Variants in CAMK4 observed in about 807,000 individuals in gnomAD.
CAMK4 encodes the protein calcium/calmodulin-dependent protein kinase type IV.
Under a neutral mutation model 44.9 loss-of-function variants are expected in CAMK4, and 22 were observed. That is an observed-to-expected ratio of 0.49 (90% CI 0.35 to 0.70). The LOEUF is 0.70. Among genes scored for constraint, CAMK4 ranks in the 30% least tolerant of loss-of-function variants. The probability of loss-of-function intolerance (pLI) is 0.01; values close to 1 mark genes in which losing one functional copy is unlikely to be tolerated. For missense variants in CAMK4, 498 were observed against 586.8 expected (o/e 0.85, Z 1.56); for synonymous variants, 218 against 215.4 (o/e 1.01, Z -0.11).
chr5:111,241,091 C>T (rs1393702585), intron 1 of CAMK4, among the ~76,000 whole-genome samples: 2 of 151,172 alleles, frequency 1.3e-5, no homozygotes, highest in South Asian at 2.1e-4. Flanking sequence ...TATGCACACA[C>T]TGCAAATTTT....
At chr5:111,316,349 C>T (rs1470812107) in intron 1 of CAMK4, among the ~76,000 whole-genome samples, 1 of 152,174 alleles carries the variant, frequency 6.6e-6, no homozygotes, top group Admixed American at 6.5e-5. Flanking sequence ...TAACTGTTCT[C>T]AACATTTAGT....
Position 111,484,176 on chromosome 5 carries a change from A to C in CAMK4, c.1132A>C (p.Ile378Leu), listed in dbSNP as rs759011394. The change falls in exon 11 of 11, where the codon ATT (isoleucine) becomes CTT (leucine). Residue 378 changes from isoleucine (I) to leucine (L), a missense_variant. Ile to Leu is a conservative substitution (Grantham distance 5). This residue lies in a region of CAMK4 where 143 missense variants were observed against 144.9 expected (regional missense o/e 0.99). Transcript: ENST00000282356. The surrounding 1 kb of genome is among the most constrained non-coding windows in gnomAD (Gnocchi z 5.3). ...DMKAIPEGEK[I>L]QGDGAQAAVK... The stretch of plus-strand genomic sequence containing the variant: ...GAAAGCTATTCCAGAAGGAGAGAAA[A>C]TTCAAGGCGATGGGGCCCAAGCCGC... The C allele has an allele frequency of 6.2e-7, 1 of 1,614,152 alleles. No individual in the cohort carries two copies. The highest frequency in any genetic ancestry group is 1.3e-5 in the African/African-American group (1 of 75,056).
At chr5:111,376,791 G>T in intron 3 of CAMK4, 69 bp from the exon 4 acceptor site, 1 of 892,272 alleles carries the variant, frequency 1.1e-6, no homozygotes, top group Non-Finnish European at 1.8e-6. Context: ...TTTAGCCATA[G>T]TATTAGCTAT....
At chr5:111,331,166 A>G (rs544216015) in intron 1 of CAMK4, among the ~76,000 whole-genome samples, 1 of 151,732 alleles carries the variant, frequency 6.6e-6, no homozygotes, top group Non-Finnish European at 1.5e-5. Context: ...AAGAACAATA[A>G]CAAAGCAAAC....
intron 2 of CAMK4, among the ~76,000 whole-genome samples, chr5:111,346,157 A>G (rs143892908): frequency 2.1e-4 from 32 of 152,052 alleles, no homozygotes; most frequent in African/African-American, 7.2e-4. Flanking sequence ...TTCCTTGTCT[A>G]AAGGAAATGA....
chr5:111,376,431 C>A (rs1751215382), intron 3 of CAMK4, among the ~76,000 whole-genome samples: 1 of 151,926 alleles, frequency 6.6e-6, no homozygotes, highest in Admixed American at 6.6e-5. Context: ...CTGGTCCTAC[C>A]CTGCCGCAGA....
chr5:111,293,315 G>A (rs895690230), intron 1 of CAMK4, among the ~76,000 whole-genome samples: 6 of 152,014 alleles, frequency 3.9e-5, no homozygotes, highest in African/African-American at 1.4e-4. Context: ...GGACTCTCTA[G>A]GAAAATATTA....
intron 5 of CAMK4, among the ~76,000 whole-genome samples, chr5:111,429,092 C>T (rs1314495100): frequency 6.6e-6 from 1 of 151,604 alleles, no homozygotes; most frequent in Non-Finnish European, 1.5e-5. Context: ...ATTAGAAAAG[C>T]AAGAGCAAAC....
chr5:111,234,068 G>A (rs901381767), intron 1 of CAMK4, among the ~76,000 whole-genome samples: 16 of 152,034 alleles, frequency 1.1e-4, no homozygotes, highest in African/African-American at 3.9e-4. Context: ...TAATAGGTAC[G>A]TTAGTGTACA....
At chr5:111,339,363 T>A (rs1749543032) in intron 1 of CAMK4, among the ~76,000 whole-genome samples, 2 of 151,434 alleles carry the variant, frequency 1.3e-5, no homozygotes, top group Admixed American at 1.3e-4. Context: ...CAGCTTCAGG[T>A]ATTACATTTG....
chr5:111,367,211 C>A (rs916109545), intron 2 of CAMK4, among the ~76,000 whole-genome samples: 3 of 150,550 alleles, frequency 2.0e-5, no homozygotes, highest in African/African-American at 7.3e-5. Flanking sequence ...GGGGTCATCC[C>A]ATGGCAGATG....
intron 1 of CAMK4, among the ~76,000 whole-genome samples, chr5:111,255,731 C>T (rs1164941577): frequency 1.3e-5 from 2 of 152,128 alleles, no homozygotes; most frequent in African/African-American, 2.4e-5. Context: ...GTCTCAGAAG[C>T]TTTGCATTTA....
chr5:111,469,432 A>G (rs1754983924), intron 7 of CAMK4, among the ~76,000 whole-genome samples: 1 of 152,086 alleles, frequency 6.6e-6, no homozygotes, highest in South Asian at 2.1e-4. Context: ...ACAGTGCTTC[A>G]CAAAGAAATA....
chr5:111,316,313 T>A (rs576514332), intron 1 of CAMK4, among the ~76,000 whole-genome samples: 4 of 152,218 alleles, frequency 2.6e-5, no homozygotes, highest in Non-Finnish European at 4.4e-5. Flanking sequence ...CAATTTGAGG[T>A]ACTTTGTGAT....
chr5:111,406,476 G>A lies in CAMK4; in HGVS notation c.459+11694G>A, dbSNP rs139816037. Among the ~76,000 whole-genome samples, 625 of 151,966 alleles carry A rather than the reference G, an allele frequency of 4.1e-3. 3 individuals carry two copies. The highest frequency in any genetic ancestry group is 0.012 in the East Asian group (63 of 5,164). On this transcript the variant is annotated intron_variant, in intron 5 of 10. Coordinates refer to ENST00000282356, the MANE Select transcript of CAMK4 (RefSeq NM_001744.6). ...TGACCTCTGATGATCCACCTGCCTCGGCCTCCCAAAGTGCTGGGATTACAG... is the reference window on the plus strand; with the variant it reads ...TGACCTCTGATGATCCACCTGCCTCAGCCTCCCAAAGTGCTGGGATTACAG...
intron 1 of CAMK4, among the ~76,000 whole-genome samples, chr5:111,250,495 A>G (rs143545067): frequency 7.2e-5 from 11 of 152,168 alleles, no homozygotes; most frequent in Non-Finnish European, 1.5e-4. Flanking sequence ...TTCAATGCCT[A>G]TGGGCTCATT....
intron 2 of CAMK4, among the ~76,000 whole-genome samples, chr5:111,372,544 G>A (rs142167123): frequency 3.2e-4 from 49 of 152,190 alleles, no homozygotes; most frequent in African/African-American, 1.2e-3. Context: ...ACGTGCACAG[G>A]GGAGAGAGAG....
intron 1 of CAMK4, among the ~76,000 whole-genome samples, chr5:111,279,389 G>C (rs1406858989): frequency 2.0e-5 from 3 of 152,110 alleles, no homozygotes; most frequent in African/African-American, 7.2e-5. Flanking sequence ...AGCTGTCTCT[G>C]TCAGTCAGCT....
chr5:111,347,575 T>C (rs1561429359), intron 2 of CAMK4, among the ~76,000 whole-genome samples: 1 of 151,942 alleles, frequency 6.6e-6, no homozygotes, highest in East Asian at 1.9e-4. Context: ...AGACTGGCAG[T>C]CCCCTAAGTG....
Sources: allele counts gnomAD v4.1 joint callset (sites outside exome capture counted in the v4.1 genomes callset), GRCh38; gene constraint gnomAD v4.1.1; regional missense constraint gnomAD v4.1.1; non-coding constraint Gnocchi (gnomAD v3.1); transcripts MANE v1.5; gene names NCBI Gene and HGNC (gene_info 2026-07-23, HGNC 2026-07-21).